Variants in CNTNAP5 observed in about 807,000 individuals in gnomAD.
CNTNAP5 encodes contactin-associated protein-like 5.
A neutral mutation model predicts 150.2 loss-of-function variants in CNTNAP5; 72 were observed. The observed-to-expected ratio is 0.48, with a 90% CI of 0.40 to 0.58. CNTNAP5 has a LOEUF of 0.58. Ranked by LOEUF, CNTNAP5 falls within the 20% of genes least tolerant of loss-of-function variation. CNTNAP5 has a pLI of 0.00. For synonymous variants in CNTNAP5, 672 were observed against 619.8 expected (o/e 1.08, Z -1.25); for missense variants, 1,636 against 1,626.2 (o/e 1.01, Z -0.10).
chr2:124,212,688 G>A (rs1008818473), intron 1 of CNTNAP5, among the ~76,000 whole-genome samples: 6 of 152,192 alleles, frequency 3.9e-5, no homozygotes, highest in African/African-American at 7.2e-5. Flanking sequence ...CACAGTCCTC[G>A]ACTTCTGATA....
intron 19 of CNTNAP5, among the ~76,000 whole-genome samples, chr2:124,819,443 G>A (rs1008221026): frequency 6.6e-6 from 1 of 152,036 alleles, no homozygotes; most frequent in African/African-American, 2.4e-5. Flanking sequence ...CCTGAGCTTT[G>A]TTGGGAATTT....
intron 3 of CNTNAP5, among the ~76,000 whole-genome samples, chr2:124,312,314 G>C (rs576021594): frequency 6.6e-6 from 1 of 152,252 alleles, no homozygotes; most frequent in South Asian, 2.1e-4. Flanking sequence ...GTCTTTAGCA[G>C]AATTCTTAGT....
chr2:124,513,291 A>G (rs1435750363), intron 8 of CNTNAP5, among the ~76,000 whole-genome samples: 1 of 152,198 alleles, frequency 6.6e-6, no homozygotes, highest in Non-Finnish European at 1.5e-5. Flanking sequence ...TTCTGCTCAT[A>G]AGGACACCAA....
Position 124,601,690 on chromosome 2 carries a change from A to C in CNTNAP5, c.1757-8111A>C, listed in dbSNP as rs1427244861. ...TGCTATTAGAGAAAATAATATTCAA[A>C]GGAAAAAAACCAATCTTCTATAATT... is the stretch of plus-strand genomic sequence containing the variant. On this transcript the variant is annotated intron_variant, in intron 11 of 23. Transcript: ENST00000682447. Among the ~76,000 whole-genome samples, 13 of 102,416 alleles carry C rather than the reference A, an allele frequency of 1.3e-4. No homozygotes were observed. The East Asian group carries it at 2.6e-3, about 21-fold the overall frequency. The allele number at this position is 102,416 out of a possible 152,430, so 67.2% of individuals were successfully genotyped here. A position where few individuals can be genotyped will look rare whatever the true frequency, so the allele number is the denominator to read the frequency against.
intron 11 of CNTNAP5, among the ~76,000 whole-genome samples, chr2:124,563,662 G>T (rs1473454360): frequency 6.6e-6 from 1 of 152,192 alleles, no homozygotes; most frequent in Non-Finnish European, 1.5e-5. Flanking sequence ...GAGTTGTTAG[G>T]TGGCTATAAT....
intron 1 of CNTNAP5, among the ~76,000 whole-genome samples, chr2:124,058,912 T>C (rs1681928813): frequency 6.6e-6 from 1 of 152,210 alleles, no homozygotes; most frequent in South Asian, 2.1e-4. Flanking sequence ...GCCAGGGATA[T>C]TTAATTGGCC....
intron 1 of CNTNAP5, among the ~76,000 whole-genome samples, chr2:124,093,818 C>T (rs1187876383): frequency 6.6e-6 from 1 of 152,172 alleles, no homozygotes; most frequent in Non-Finnish European, 1.5e-5. Flanking sequence ...AATAAAGAAG[C>T]TTATTTCAAC....
intron 3 of CNTNAP5, among the ~76,000 whole-genome samples, chr2:124,284,809 G>T (rs1688105273): frequency 1.3e-5 from 2 of 152,084 alleles, no homozygotes; most frequent in South Asian, 4.1e-4. Flanking sequence ...CTGCTTCTAA[G>T]GTGGAGTGTG....
rs148922700 is a variant in CNTNAP5 at position 124,040,802 on chromosome 2, G to A, written c.82+15070G>A. Among the ~76,000 whole-genome samples, 1,084 of 152,022 alleles carry A rather than the reference G, an allele frequency of 7.1e-3. 14 individuals are homozygous for A. Among genetic ancestry groups the A allele is most frequent in the African/African-American group, 0.021 (887 of 41,460 alleles). On this transcript the variant is annotated intron_variant, in intron 1 of 23. Coordinates refer to ENST00000682447, the MANE Select transcript of CNTNAP5 (RefSeq NM_001367498.1). The stretch of plus-strand genomic sequence containing the variant: ...ATTATAACTGTTGCATTAATTTTGC[G>A]TACTGGGTCACAATATATATACTGA...
chr2:124,289,351 G>C (rs1409936131), intron 3 of CNTNAP5, among the ~76,000 whole-genome samples: 1 of 152,134 alleles, frequency 6.6e-6, no homozygotes, highest in Non-Finnish European at 1.5e-5. Flanking sequence ...ATGTATGGAG[G>C]ATTTTCAGCT....
intron 13 of CNTNAP5, among the ~76,000 whole-genome samples, chr2:124,699,682 TG>T (rs747764293): frequency 1.5e-4 from 23 of 152,166 alleles, no homozygotes; most frequent in Admixed American, 9.2e-4. Flanking sequence ...GGTTAATTGA[TG>T]GAGGTGGTCA....
intron 13 of CNTNAP5, among the ~76,000 whole-genome samples, chr2:124,698,534 T>C (rs946187128): frequency 1.3e-5 from 2 of 152,170 alleles, no homozygotes; most frequent in Non-Finnish European, 2.9e-5. Flanking sequence ...TCCTATCAAA[T>C]TGAATCTGAA....
intron 13 of CNTNAP5, among the ~76,000 whole-genome samples, chr2:124,741,588 A>C (rs1370073015): frequency 2.0e-5 from 3 of 151,986 alleles, no homozygotes; most frequent in Non-Finnish European, 4.4e-5. Context: ...CTTCTATAAA[A>C]CATATATATT....
chr2:124,351,595 T>C (rs1417792668), intron 3 of CNTNAP5, among the ~76,000 whole-genome samples: 1 of 152,070 alleles, frequency 6.6e-6, no homozygotes, highest in African/African-American at 2.4e-5. Context: ...TACAGGGAGA[T>C]AGTAGCACAA....
At chr2:124,516,758 C>CTT (rs1256887368) in intron 8 of CNTNAP5, among the ~76,000 whole-genome samples, 1 of 152,046 alleles carries the variant, frequency 6.6e-6, no homozygotes, top group Admixed American at 6.6e-5. Context: ...TATGATCTTG[C>CTT]TTTTTATTTT....
intron 19 of CNTNAP5, among the ~76,000 whole-genome samples, chr2:124,850,237 T>C (rs1683127427): frequency 6.6e-6 from 1 of 152,146 alleles, no homozygotes. Context: ...GAACTGAGGA[T>C]TTTATTTATT....
At chr2:124,492,492 C>A (rs945050957) in intron 7 of CNTNAP5, among the ~76,000 whole-genome samples, 1 of 152,094 alleles carries the variant, frequency 6.6e-6, no homozygotes, top group Non-Finnish European at 1.5e-5. Context: ...TTGTGGTATA[C>A]CTTGAAATTA....
At chr2:124,187,996 A>G (rs1197596141) in intron 1 of CNTNAP5, among the ~76,000 whole-genome samples, 1 of 152,186 alleles carries the variant, frequency 6.6e-6, no homozygotes, top group African/African-American at 2.4e-5. Flanking sequence ...ATCAGGGAGT[A>G]GGGATGAGCA....
intron 19 of CNTNAP5, among the ~76,000 whole-genome samples, chr2:124,841,339 A>G (rs1454821717): frequency 6.6e-6 from 1 of 151,708 alleles, no homozygotes; most frequent in Admixed American, 6.6e-5. Context: ...TTCCAAGCTT[A>G]CACGCCCACC....
Sources: gnomAD v4.1 joint callset for allele counts (sites outside exome capture counted in the v4.1 genomes callset) on GRCh38, gnomAD v4.1.1 for gene constraint, MANE v1.5 for transcripts, NCBI Gene and HGNC (gene_info 2026-07-23, HGNC 2026-07-21) for gene names.